JRK: variants seen among roughly 807,000 people sequenced by gnomAD.
The protein encoded by JRK is jerky protein homolog.
For synonymous variants in JRK, 303 were observed against 218.1 expected (o/e 1.39, Z -3.43); for missense variants, 720 against 509.2 (o/e 1.41, Z -3.98).
chr8:142,647,920 G>A, the JRK span, among the ~76,000 whole-genome samples: 14 of 152,266 alleles, frequency 9.2e-5, 1 homozygote, highest in East Asian at 1.7e-3. Context: ...ATAGTAATAC[G>A]GACAATAAAG....
Position 142,663,417 on chromosome 8 carries a change from G to C in JRK, c.*935C>G. 6 of 985,480 alleles carry C rather than the reference G, an allele frequency of 6.1e-6. No homozygotes were observed. The highest frequency in any genetic ancestry group is 7.2e-6 in the Non-Finnish European group (6 of 829,946). 61.0% of individuals were successfully genotyped at this position (985,480 alleles called of 1,614,324 possible). A position where few individuals can be genotyped will look rare whatever the true frequency, so the allele number is the denominator to read the frequency against. ...GGGGATAAGAGCACACATACTGCTA[G>C]AAATCTAAGCAGCCTGTTTTACTGT... On this transcript the variant is annotated 3_prime_UTR_variant, in exon 2 of 2. Transcript: ENST00000612905.
chr8:142,651,019 T>C, the JRK span, among the ~76,000 whole-genome samples: 1 of 152,122 alleles, frequency 6.6e-6, no homozygotes, highest in Non-Finnish European at 1.5e-5. Flanking sequence ...CCACACTATT[T>C]ATAAATAATA....
At chr8:142,666,554 G>GATA in intron 1 of JRK, 34 bp from the exon 2 acceptor site, 2 of 246,062 alleles carry the variant, frequency 8.1e-6, no homozygotes, top group South Asian at 6.2e-5. Context: ...GGAAAGTGAT[G>GATA]GGGCGCGCCC....
the JRK span, among the ~76,000 whole-genome samples, chr8:142,644,258 A>G: frequency 6.6e-6 from 1 of 152,194 alleles, no homozygotes; most frequent in Admixed American, 6.5e-5. Context: ...GTGAATGACA[A>G]AAGGTTTTAG....
At position 142,662,259 on chromosome 8, in the gene JRK, C is replaced by A. The variant is rs782370552; in HGVS notation, c.*2093G>T. On this transcript the variant is annotated 3_prime_UTR_variant, in exon 2 of 2. Coordinates refer to ENST00000612905, the MANE Select transcript of JRK (RefSeq NM_003724.4). ...ACAGTCTGACAGGGACAAGCCATGT[C>A]CAGAGGACTCAGGAGAGCCAGCCAG... The A allele has an allele frequency of 1.7e-4, 170 of 985,604 alleles. No individual in the cohort carries two copies. The highest frequency in any genetic ancestry group is 2.0e-4 in the Non-Finnish European group (167 of 830,172). 61.1% of individuals were successfully genotyped at this position (985,604 alleles called of 1,614,324 possible).
downstream of JRK, among the ~76,000 whole-genome samples, chr8:142,655,039 C>T (rs1388875286): frequency 6.6e-6 from 1 of 152,160 alleles, no homozygotes; most frequent in East Asian, 1.9e-4. Flanking sequence ...TCAAGGGCTT[C>T]TTGAGCCACA....
At position 142,665,331 on chromosome 8, in the gene JRK, G is replaced by A; in HGVS notation, c.728C>T (p.Ala243Val). ...LAIGKCSGPR[A>V]FKGIQHLPVA... is the part of the protein sequence containing the mutation. ...GGGCAGGTGCTGGATGCCTTTGAAAGCCCTGGGACCGCTGCACTTCCCGAT... is the reference window on the plus strand; with the variant it reads ...GGGCAGGTGCTGGATGCCTTTGAAAACCCTGGGACCGCTGCACTTCCCGAT... The change falls in exon 2 of 2, where the codon GCT becomes GTT. Residue 243 changes from alanine to valine, a missense_variant. By Grantham distance (64) the Ala-to-Val change is moderately conservative. Coordinates refer to ENST00000612905, the MANE Select transcript of JRK (RefSeq NM_003724.4). The A allele has an allele frequency of 2.8e-6, 2 of 717,686 alleles. No individual in the cohort carries two copies. Among genetic ancestry groups the A allele is most frequent in the Non-Finnish European group, 2.6e-6 (1 of 385,096 alleles). 44.5% of individuals were successfully genotyped at this position (717,686 alleles called of 1,614,324 possible).
the JRK span, among the ~76,000 whole-genome samples, chr8:142,649,896 T>C: frequency 6.6e-6 from 1 of 152,200 alleles, no homozygotes; most frequent in African/African-American, 2.4e-5. Flanking sequence ...CCCAGAATGG[T>C]AGATCCACAA....
chr8:142,647,664 C>T, the JRK span, among the ~76,000 whole-genome samples: 1 of 152,320 alleles, frequency 6.6e-6, no homozygotes, highest in Non-Finnish European at 1.5e-5. Flanking sequence ...CATTAAACTT[C>T]TTCCATTTAT....
chr8:142,650,047 G>C, the JRK span, among the ~76,000 whole-genome samples: 1 of 152,274 alleles, frequency 6.6e-6, no homozygotes, highest in African/African-American at 2.4e-5. Context: ...GCACCAGTGT[G>C]ACCTGGATGT....
chr8:142,663,364 C>T lies in JRK; in HGVS notation c.*988G>A. 1 of 985,428 alleles carries T rather than the reference C, an allele frequency of 1.0e-6. No individual in the cohort carries two copies. Among genetic ancestry groups the T allele is most frequent in the Non-Finnish European group, 1.2e-6 (1 of 829,926 alleles). 61.0% of individuals were successfully genotyped at this position (985,428 alleles called of 1,614,324 possible). A position where few individuals can be genotyped will look rare whatever the true frequency, so the allele number is the denominator to read the frequency against. ...CTGACCAGGACAGACAACTCCTCCC[C>T]AAAAGTATTACTAACGTGCTAACAG... On this transcript the variant is annotated 3_prime_UTR_variant, in exon 2 of 2. Transcript: ENST00000612905.
chr8:142,646,966 C>T, the JRK span, among the ~76,000 whole-genome samples: 2 of 152,054 alleles, frequency 1.3e-5, no homozygotes, highest in Admixed American at 1.3e-4. Flanking sequence ...CCTAAGTCTG[C>T]ATATTGAAGG....
downstream of JRK, among the ~76,000 whole-genome samples, chr8:142,654,550 G>A (rs587653241): frequency 2.0e-5 from 3 of 151,908 alleles, no homozygotes; most frequent in Non-Finnish European, 4.4e-5. Flanking sequence ...GCAATTCAAA[G>A]AAGAGGGCTG....
rs372007417 is a variant in JRK at position 142,664,708 on chromosome 8, G to A, written c.1351C>T (p.Arg451Trp). 1.7e-4 allele frequency: 281 copies of A among 1,606,560 alleles called. No individual in the cohort carries two copies. In the Middle Eastern group the frequency reaches 2.5e-3, roughly 14 times the overall value. Residue 451 changes from arginine to tryptophan, a missense_variant, in exon 2 of 2, where the codon CGG (arginine) becomes TGG (tryptophan). Physicochemically the swap from Arg to Trp is moderately radical, Grantham distance 101 (BLOSUM62 -3). Coordinates refer to ENST00000612905, the MANE Select transcript of JRK (RefSeq NM_003724.4). ...GVAGREAEGG[R>W]PPAATSPAEV... The stretch of plus-strand genomic sequence containing the variant: ...GCTGGCGACGTGGCAGCAGGGGGCC[G>A]TCCCCCTTCTGCCTCCCTTCCCGCT...
chr8:142,667,078 C>T (rs755487798), intron 1 of JRK, among the ~76,000 whole-genome samples: 20 of 152,324 alleles, frequency 1.3e-4, no homozygotes, highest in Non-Finnish European at 2.4e-4. Context: ...CTCCTCTCTC[C>T]GACACAGAGC....
chr8:142,660,240 A>C lies in JRK; in HGVS notation c.*4112T>G, dbSNP rs1245147429. On this transcript the variant is annotated 3_prime_UTR_variant, in exon 2 of 2. Transcript: ENST00000612905. Reference sequence around the variant, plus strand: ...TCCTCGAACCCAGAGGGGGCTGGGTAAGCAGCAGAAGTGCAGAAGCCCTGC... The same window carrying C: ...TCCTCGAACCCAGAGGGGGCTGGGTCAGCAGCAGAAGTGCAGAAGCCCTGC... 2 of 985,478 alleles carry C rather than the reference A, an allele frequency of 2.0e-6. No individual in the cohort carries two copies. The highest frequency in any genetic ancestry group is 2.4e-6 in the Non-Finnish European group (2 of 830,086). The allele number at this position is 985,478 out of a possible 1,614,324, so 61.0% of individuals were successfully genotyped here. A position where few individuals can be genotyped will look rare whatever the true frequency, so the allele number is the denominator to read the frequency against.
In JRK at chr8:142,664,847, C is replaced by T. The variant is rs1554635359; in HGVS notation, c.1212G>A (p.Glu404=). Residue 404 remains glutamate (E), a synonymous_variant, in exon 2 of 2, where the codon GAG becomes GAA. Transcript: ENST00000612905. ...TGTTGTGGGGCTTCACTGGGAAGCA[C>T]TCTGCCTCCAACTCCTCCTCAGAGG... The part of the protein sequence containing the change: ...GSSSEEELEA[E]CFPVKPHNKS... The T allele has an allele frequency of 6.4e-7, 1 of 1,557,140 alleles. No homozygotes were observed.
the JRK span, among the ~76,000 whole-genome samples, chr8:142,652,015 G>C: frequency 3.3e-5 from 5 of 151,596 alleles, no homozygotes; most frequent in Admixed American, 2.0e-4. Context: ...CAAAAAAAGG[G>C]GGGGTGGTGG....
At position 142,664,255 on chromosome 8, in the gene JRK, T is replaced by C. The variant is rs1299583462; in HGVS notation, c.*97A>G. ...GGAAGGGCTCTTGAGTGTCTGCACATGCCCTCCTGCCTCAGGTGGGGTCGG... is the reference window on the plus strand; with the variant it reads ...GGAAGGGCTCTTGAGTGTCTGCACACGCCCTCCTGCCTCAGGTGGGGTCGG... On this transcript the variant is annotated 3_prime_UTR_variant, in exon 2 of 2. Transcript: ENST00000612905. 3 of 1,443,742 alleles carry C rather than the reference T, an allele frequency of 2.1e-6. No individual in the cohort carries two copies. The African/African-American group carries it at 4.3e-5, about 21-fold the overall frequency. 89.4% of individuals were successfully genotyped at this position (1,443,742 alleles called of 1,614,324 possible).
Sources: allele counts gnomAD v4.1 joint callset (sites outside exome capture counted in the v4.1 genomes callset), GRCh38; gene constraint gnomAD v4.1.1; transcripts MANE v1.5; gene names NCBI Gene and HGNC (gene_info 2026-07-23, HGNC 2026-07-21).